ARHGAP25: variants seen among roughly 807,000 people sequenced by gnomAD.
ARHGAP25 encodes the protein rho GTPase-activating protein 25.
In ARHGAP25, 34 loss-of-function variants were observed where a neutral mutation model predicts 71.0. The observed-to-expected ratio is 0.48, with a 90% CI of 0.36 to 0.64. The LOEUF (loss-of-function observed/expected upper bound fraction) is 0.64. ARHGAP25 is among the 30% of genes least tolerant of loss of function. The pLI, the probability that ARHGAP25 is intolerant of heterozygous loss-of-function variation, is 0.00. For missense variants in ARHGAP25, 706 were observed against 805.1 expected, an observed-to-expected ratio of 0.88 and a Z score of 1.49; for synonymous variants, 282 against 296.5, an observed-to-expected ratio of 0.95 and a Z score of 0.50.
chr2:68,764,980 A>G (rs1677038168), intron 1 of ARHGAP25, among the ~76,000 whole-genome samples: 1 of 152,056 alleles, frequency 6.6e-6, no homozygotes, highest in African/African-American at 2.4e-5. Context: ...GGAAATTTGG[A>G]AATGGAAGCT....
At chr2:68,814,753 C>T (rs1387347460) in intron 6 of ARHGAP25, among the ~76,000 whole-genome samples, 1 of 152,074 alleles carries the variant, frequency 6.6e-6, no homozygotes, top group Non-Finnish European at 1.5e-5. Context: ...TAGATCCTGA[C>T]ATAAGAGAAA....
intron 2 of ARHGAP25, among the ~76,000 whole-genome samples, chr2:68,720,177 A>G (rs1458100551): frequency 6.6e-6 from 1 of 152,114 alleles, no homozygotes; most frequent in Non-Finnish European, 1.5e-5. Flanking sequence ...TTAGACAGAA[A>G]TGCTGTCCCT....
chr2:68,778,697 C>T (rs1022877311), intron 2 of ARHGAP25, among the ~76,000 whole-genome samples: 2 of 152,086 alleles, frequency 1.3e-5, no homozygotes, highest in Middle Eastern at 3.2e-3. Flanking sequence ...ATTGTCATAC[C>T]CTTAGACACA....
At chr2:68,823,075 A>G (rs907363568) in intron 10 of ARHGAP25, among the ~76,000 whole-genome samples, 3 of 152,284 alleles carry the variant, frequency 2.0e-5, no homozygotes, top group African/African-American at 7.2e-5. Context: ...AACTAGATTT[A>G]GGAAATGTAA....
At chr2:68,797,793 G>A (rs768639472) in intron 4 of ARHGAP25, among the ~76,000 whole-genome samples, 37 of 152,192 alleles carry the variant, frequency 2.4e-4, no homozygotes, top group Non-Finnish European at 3.7e-4. Context: ...GTTAAGATTC[G>A]TGGTGTGGGA....
intron 2 of ARHGAP25, among the ~76,000 whole-genome samples, chr2:68,723,715 C>A (rs1044243055): frequency 2.6e-5 from 4 of 152,140 alleles, no homozygotes; most frequent in Non-Finnish European, 5.9e-5. Flanking sequence ...AGTATACCAA[C>A]GTGGAATGAA....
At chr2:68,722,493 G>T (rs567564503) in intron 2 of ARHGAP25, among the ~76,000 whole-genome samples, 1 of 151,188 alleles carries the variant, frequency 6.6e-6, no homozygotes, top group Non-Finnish European at 1.5e-5. Flanking sequence ...CAGGAGAATC[G>T]CTTGAACCAG....
At chr2:68,800,491 T>C (rs926568940) in intron 4 of ARHGAP25, among the ~76,000 whole-genome samples, 2 of 151,914 alleles carry the variant, frequency 1.3e-5, no homozygotes, top group African/African-American at 4.8e-5. Context: ...CAGGATGGGG[T>C]CCAAAATTTT....
chr2:68,826,617 A>T lies in ARHGAP25; in HGVS notation c.*423A>T, dbSNP rs140470176. On this transcript the variant is annotated 3_prime_UTR_variant, in exon 11 of 11. Transcript: ENST00000409202. ...CTCTGAGACACAGGGGCAGAAAATG[A>T]CATTCATCTTTTGAGTCCTCATCCA... is the stretch of plus-strand genomic sequence containing the variant. 3.4e-3 allele frequency: 1,106 copies of T among 323,356 alleles called. 20 individuals are homozygous for T. In the Admixed American group the frequency reaches 0.038, roughly 11 times the overall value. 20.0% of individuals were successfully genotyped at this position (323,356 alleles called of 1,614,324 possible).
At chr2:68,732,809 T>C (rs1198899938), upstream of ARHGAP25, among the ~76,000 whole-genome samples, 1 of 152,234 alleles carries the variant, frequency 6.6e-6, no homozygotes, top group Non-Finnish European at 1.5e-5. Context: ...TGCAAGGTTC[T>C]TCTCTCTTGT....
intron 1 of ARHGAP25, among the ~76,000 whole-genome samples, chr2:68,762,846 T>A (rs1040918878): frequency 1.3e-5 from 2 of 152,168 alleles, no homozygotes; most frequent in Non-Finnish European, 2.9e-5. Flanking sequence ...TGCTCACAGA[T>A]ACATACAAAA....
intron 2 of ARHGAP25, among the ~76,000 whole-genome samples, chr2:68,777,072 A>G (rs900716401): frequency 5.9e-5 from 9 of 152,152 alleles, no homozygotes; most frequent in Non-Finnish European, 1.2e-4. Context: ...TGTTCTGTGC[A>G]TGGTAACCAG....
At chr2:68,808,630 C>T (rs1451554253) in intron 5 of ARHGAP25, among the ~76,000 whole-genome samples, 2 of 152,210 alleles carry the variant, frequency 1.3e-5, no homozygotes. Flanking sequence ...TGGCATCAAA[C>T]ACAGGGACCT....
At chr2:68,803,878 G>C (rs1419234256) in intron 4 of ARHGAP25, among the ~76,000 whole-genome samples, 1 of 152,092 alleles carries the variant, frequency 6.6e-6, no homozygotes, top group African/African-American at 2.4e-5. Flanking sequence ...AATGGGTGGG[G>C]AGCTCAACAG....
chr2:68,744,622 G>GC (rs1344945945), intron 1 of ARHGAP25, among the ~76,000 whole-genome samples: 1 of 152,030 alleles, frequency 6.6e-6, no homozygotes, highest in African/African-American at 2.4e-5. Flanking sequence ...AGCTTTTCTT[G>GC]CCCCACTTGA....
At chr2:68,738,416 T>C (rs1304012156) in intron 1 of ARHGAP25, among the ~76,000 whole-genome samples, 5 of 152,158 alleles carry the variant, frequency 3.3e-5, no homozygotes, top group Non-Finnish European at 5.9e-5. Context: ...ATATAGCCCA[T>C]GGTGAACTGA....
chr2:68,817,753 C>A, intron 7 of ARHGAP25, 120 bp from the exon 8 acceptor site: 1 of 1,272,772 alleles, frequency 7.9e-7, no homozygotes, highest in South Asian at 1.4e-5. Flanking sequence ...GCAGGCTGGT[C>A]TCATTCCTGA....
At chr2:68,797,124 T>C (rs1317151939) in intron 4 of ARHGAP25, among the ~76,000 whole-genome samples, 2 of 152,194 alleles carry the variant, frequency 1.3e-5, no homozygotes, top group African/African-American at 2.4e-5. Context: ...TCCCACACTC[T>C]GTCTTGGAGT....
At chr2:68,758,207 A>G (rs541955169) in intron 1 of ARHGAP25, among the ~76,000 whole-genome samples, 3 of 152,168 alleles carry the variant, frequency 2.0e-5, no homozygotes, top group African/African-American at 7.2e-5. Context: ...AGGACAAAAA[A>G]GCTGTAAGGT....
Sources: gnomAD v4.1 joint callset for allele counts (sites outside exome capture counted in the v4.1 genomes callset) on GRCh38, gnomAD v4.1.1 for gene constraint, MANE v1.5 for transcripts, NCBI Gene and HGNC (gene_info 2026-07-23, HGNC 2026-07-21) for gene names.